Variants in NEK5 observed in about 807,000 individuals in gnomAD.
NEK5 encodes the protein NIMA related kinase 5, also known as serine/threonine-protein kinase Nek5.
In NEK5, 88 loss-of-function variants were observed where a neutral mutation model predicts 109.2. The ratio of observed to expected loss-of-function variants is 0.81; its 90% CI spans 0.68 to 0.96. NEK5 has a LOEUF of 0.96. NEK5 is among the 40% of genes least tolerant of loss of function. NEK5 has a pLI of 0.00. For missense variants in NEK5, 834 were observed against 920.7 expected, an observed-to-expected ratio of 0.91 and a Z score of 1.22; for synonymous variants, 283 against 299.9, an observed-to-expected ratio of 0.94 and a Z score of 0.58.
At chr13:52,046,425 G>C (rs1954459704) in intron 23 of NEK5, among the ~76,000 whole-genome samples, 1 of 150,094 alleles carries the variant, frequency 6.7e-6, no homozygotes, top group African/African-American at 2.5e-5. Flanking sequence ...GTTACAGTAA[G>C]CCATGATCGG....
Position 52,093,170 on chromosome 13 carries a change from T to C in NEK5, c.1092A>G (p.Gln364=), listed in dbSNP as rs1955329012. 6.2e-7 allele frequency: 1 copy of C among 1,613,260 alleles called. No individual in the cohort carries two copies. The highest frequency in any genetic ancestry group is 1.1e-5 in the South Asian group (1 of 91,070). ...VCGHYDYYYA[Q]LDMLRRRAHK... ...GGGCTCTCCTCCTCAGCATATCAAGTTGAGCATAATAATAATCATAATGTC... is the reference window on the plus strand; with the variant it reads ...GGGCTCTCCTCCTCAGCATATCAAGCTGAGCATAATAATAATCATAATGTC... The change falls in exon 13 of 24, where the codon CAA becomes CAG. Residue 364 remains glutamine, a synonymous_variant. Coordinates refer to ENST00000684899, the MANE Select transcript of NEK5 (RefSeq NM_001365552.1).
intron 22 of NEK5, among the ~76,000 whole-genome samples, chr13:52,055,714 G>A (rs1954548502): frequency 6.6e-6 from 1 of 152,000 alleles, no homozygotes; most frequent in South Asian, 2.1e-4. Context: ...CATAAGTGAA[G>A]GAGAAATAAA....
At chr13:52,059,356 G>A (rs1954590910) in intron 22 of NEK5, among the ~76,000 whole-genome samples, 1 of 74,238 alleles carries the variant, frequency 1.3e-5, no homozygotes, top group Admixed American at 1.6e-4. Context: ...ACTGTTGGTG[G>A]GACTGTAAAC....
intron 12 of NEK5, 99 bp from the exon 13 acceptor site, chr13:52,093,334 T>TG (rs1955336413): frequency 1.3e-6 from 1 of 792,624 alleles, no homozygotes; most frequent in South Asian, 1.9e-5. Flanking sequence ...CTGAGGCGGG[T>TG]GGATCACCTG....
chr13:52,079,417 AGCCTGCCGAGT>A (rs1473690371), intron 17 of NEK5, among the ~76,000 whole-genome samples: 1 of 151,304 alleles, frequency 6.6e-6, no homozygotes, highest in East Asian at 1.9e-4. Flanking sequence ...CTCCTGCCTC[AGCCTGCCGAGT>A]GCCTGCGATT....
chr13:52,043,557 AAAAAGAAAAAG>A (rs1362349154), intron 23 of NEK5, among the ~76,000 whole-genome samples: 1 of 146,682 alleles, frequency 6.8e-6, no homozygotes, highest in Non-Finnish European at 1.5e-5. Context: ...AAAAAGAAAG[AAAAAGAAAAAG>A]AAAAGAAAAA....
At chr13:52,074,048 T>G (rs1403453229) in intron 19 of NEK5, among the ~76,000 whole-genome samples, 3 of 152,120 alleles carry the variant, frequency 2.0e-5, no homozygotes, top group African/African-American at 4.8e-5. Context: ...ATGGCCATAC[T>G]GCCCAAAGTA....
intron 22 of NEK5, among the ~76,000 whole-genome samples, chr13:52,057,272 C>T (rs996753306): frequency 3.3e-5 from 5 of 151,866 alleles, no homozygotes; most frequent in Non-Finnish European, 7.4e-5. Flanking sequence ...TCTGAATAGA[C>T]CAATAACAGG....
At chr13:52,061,367 C>T (rs562201087) in intron 22 of NEK5, among the ~76,000 whole-genome samples, 7 of 152,230 alleles carry the variant, frequency 4.6e-5, no homozygotes, top group Non-Finnish European at 7.4e-5. Context: ...TACTGGTCTG[C>T]GGCCCGAGGG....
At chr13:52,072,973 T>C (rs1297747505) in intron 19 of NEK5, among the ~76,000 whole-genome samples, 1 of 152,204 alleles carries the variant, frequency 6.6e-6, no homozygotes, top group Non-Finnish European at 1.5e-5. Flanking sequence ...ATTTACTGTA[T>C]TGGATTTACT....
At chr13:52,119,446 T>C (rs375449167) in intron 3 of NEK5, 31 bp from the exon 4 acceptor site, 2 of 1,176,204 alleles carry the variant, frequency 1.7e-6, no homozygotes, top group Non-Finnish European at 2.5e-6. Flanking sequence ...GAGTAGTCTA[T>C]AAAGCTAACT....
chr13:52,087,956 C>G (rs1417180012), intron 14 of NEK5, among the ~76,000 whole-genome samples: 7 of 136,340 alleles, frequency 5.1e-5, no homozygotes, highest in Non-Finnish European at 1.1e-4. Context: ...AAGACAGAGT[C>G]TCACTCTGTC....
chr13:52,044,043 G>A (rs1414034835), intron 23 of NEK5, among the ~76,000 whole-genome samples: 2 of 152,190 alleles, frequency 1.3e-5, no homozygotes, highest in Non-Finnish European at 2.9e-5. Flanking sequence ...CTGAGTGGGC[G>A]CAATCTATTC....
chr13:52,058,933 A>G (rs36133161), intron 22 of NEK5, among the ~76,000 whole-genome samples: 71,646 of 138,200 alleles, frequency 0.52, 19,916 homozygotes, highest in Non-Finnish European at 0.66. Context: ...CAATGGCAAC[A>G]AAAGCCAAAA....
At chr13:52,108,578 T>C (rs1018721568) in intron 7 of NEK5, among the ~76,000 whole-genome samples, 174 bp from the exon 8 acceptor site, 2 of 152,194 alleles carry the variant, frequency 1.3e-5, no homozygotes, top group African/African-American at 2.4e-5. Flanking sequence ...AATCAGCTGA[T>C]TTTTAAACTT....
At chr13:52,091,359 T>C (rs1955280217) in intron 13 of NEK5, among the ~76,000 whole-genome samples, 1 of 152,338 alleles carries the variant, frequency 6.6e-6, no homozygotes, top group Non-Finnish European at 1.5e-5. Flanking sequence ...GAGTCCAATA[T>C]GGATATTACA....
chr13:52,056,763 C>T (rs1213490733), intron 22 of NEK5, among the ~76,000 whole-genome samples: 4 of 151,616 alleles, frequency 2.6e-5, no homozygotes, highest in African/African-American at 9.7e-5. Flanking sequence ...AACAAAGATA[C>T]AACATACCAG....
At chr13:52,071,272 TCA>T (rs2137794207) in intron 20 of NEK5, among the ~76,000 whole-genome samples, 1 of 152,312 alleles carries the variant, frequency 6.6e-6, no homozygotes, top group East Asian at 1.9e-4. Flanking sequence ...AGATGACTCA[TCA>T]CAGACAAGCT....
chr13:52,122,781 G>C (rs543054410), intron 3 of NEK5, among the ~76,000 whole-genome samples: 2 of 151,970 alleles, frequency 1.3e-5, no homozygotes, highest in Admixed American at 1.3e-4. Flanking sequence ...AAAAAAAAGA[G>C]TATATCTACC....
Sources: allele counts gnomAD v4.1 joint callset (sites outside exome capture counted in the v4.1 genomes callset), GRCh38; gene constraint gnomAD v4.1.1; transcripts MANE v1.5; gene names NCBI Gene and HGNC (gene_info 2026-07-23, HGNC 2026-07-21).